Variants in SYT12 observed in about 807,000 individuals in gnomAD.
The protein encoded by SYT12 is synaptotagmin 12, also known as synaptotagmin-12.
Under a neutral mutation model 39.5 loss-of-function variants are expected in SYT12, and 27 were observed. The observed-to-expected ratio is 0.68, with a 90% CI of 0.50 to 0.94. The LOEUF is 0.94. SYT12 is among the 40% of genes least tolerant of loss of function. The pLI is 0.00. For synonymous variants in SYT12, 233 were observed against 239.7 expected, an observed-to-expected ratio of 0.97 and a Z score of 0.26; for missense variants, 536 against 572.6, an observed-to-expected ratio of 0.94 and a Z score of 0.65.
intron 3 of SYT12, among the ~76,000 whole-genome samples, chr11:67,017,398 C>CTG (rs1565327281): frequency 6.7e-6 from 1 of 148,926 alleles, no homozygotes; most frequent in East Asian, 2.0e-4. Context: ...CTTGCTCTGT[C>CTG]GCCCAGGCTG....
At chr11:67,043,524 T>C in intron 4 of SYT12, 114 bp from the exon 5 acceptor site, 1 of 966,930 alleles carries the variant, frequency 1.0e-6, no homozygotes, top group Non-Finnish European at 1.6e-6. Flanking sequence ...ATTGAGGGTG[T>C]CAAGACAACA....
chr11:67,023,856 C>G lies in SYT12; in HGVS notation c.-24+396C>G, dbSNP rs1950145552. ...CGGTCCCCATACACCCTGGAGGTTC[C>G]CGAGGCAGGAGCGCTGGGTCTGCAG... is the stretch of plus-strand genomic sequence containing the variant. On this transcript the variant is annotated intron_variant, in intron 1 of 7. Coordinates refer to ENST00000527043, the MANE Select transcript of SYT12 (RefSeq NM_177963.4). 2.6e-5 allele frequency among the ~76,000 whole-genome samples: 4 copies of G among 152,352 alleles called. No individual in the cohort carries two copies. In the South Asian group the frequency reaches 8.3e-4, roughly 32 times the overall value.
chr11:67,017,245 G>A (rs1248515576), intron 3 of SYT12, among the ~76,000 whole-genome samples: 1 of 152,164 alleles, frequency 6.6e-6, no homozygotes, highest in Non-Finnish European at 1.5e-5. Flanking sequence ...GTTGAGGCCG[G>A]GTATGGTGGC....
At chr11:67,027,970 C>G (rs1418221379) in intron 1 of SYT12, 3 of 152,246 alleles carry the variant, frequency 2.0e-5, no homozygotes, top group Non-Finnish European at 2.9e-5. Context: ...CCACCTTGGG[C>G]AGGTACATGG....
At chr11:67,007,934 CT>C (rs984356052) in intron 1 of SYT12, among the ~76,000 whole-genome samples, 7 of 151,490 alleles carry the variant, frequency 4.6e-5, no homozygotes, top group African/African-American at 1.7e-4. Context: ...CACTTCCTTC[CT>C]GATCCTGAGG....
intron 3 of SYT12, among the ~76,000 whole-genome samples, chr11:67,013,362 TGCTGGTCCTCAGGGC>T (rs993754559): frequency 2.0e-5 from 3 of 152,208 alleles, no homozygotes; most frequent in African/African-American, 4.8e-5. Context: ...TTCCTCAGGG[TGCTGGTCCTCAGGGC>T]GCTGGTGCTC....
intron 2 of SYT12, chr11:67,031,562 A>G (rs1950268019): frequency 1.3e-5 from 2 of 152,254 alleles, no homozygotes; most frequent in South Asian, 2.1e-4. Flanking sequence ...AGTGCTTCAT[A>G]AGGGGAGCTA....
chr11:67,029,525 C>T (rs1053989792), intron 1 of SYT12: 1 of 152,210 alleles, frequency 6.6e-6, no homozygotes, highest in Admixed American at 6.5e-5. Context: ...GTAAATATGT[C>T]CTGTGGAATA....
At chr11:67,028,832 G>A (rs1048716589) in intron 1 of SYT12, 5 of 152,188 alleles carry the variant, frequency 3.3e-5, no homozygotes, top group Non-Finnish European at 7.3e-5. Flanking sequence ...ATCAAGCCAC[G>A]GTGGTTGGCA....
chr11:67,041,089 T>C (rs990209282), intron 4 of SYT12, among the ~76,000 whole-genome samples: 2 of 151,980 alleles, frequency 1.3e-5, no homozygotes, highest in African/African-American at 4.8e-5. Flanking sequence ...GATGGGAGGA[T>C]CACTTGAGCC....
rs137905054 is a variant in SYT12, at chr11:67,036,196, C to A, written c.228+1358C>A. Among the ~76,000 whole-genome samples the A allele has an allele frequency of 3.3e-5, 5 of 152,246 alleles. No individual in the cohort carries two copies. The East Asian group carries it at 7.7e-4, about 24-fold the overall frequency. ...CCTCCCAAAGTGCTAGGATTACAGG[C>A]ATGCACTACCGTGCCAGGTCCTTCT... On this transcript the variant is annotated intron_variant, in intron 3 of 7. Coordinates refer to ENST00000527043, the MANE Select transcript of SYT12 (RefSeq NM_177963.4).
upstream of SYT12, among the ~76,000 whole-genome samples, chr11:67,020,250 G>A (rs187163590): frequency 2.2e-3 from 342 of 152,266 alleles, 1 homozygote; most frequent in African/African-American, 7.9e-3. Context: ...ACCAGCAAGG[G>A]AGAGTCCCTG....
intron 4 of SYT12, among the ~76,000 whole-genome samples, chr11:67,040,452 C>T (rs545967756): frequency 3.3e-4 from 51 of 152,286 alleles, no homozygotes; most frequent in African/African-American, 1.1e-3. Context: ...CAGAATGTGG[C>T]AACTGTCGTT....
Position 67,049,242 on chromosome 11 carries a change from A to G in SYT12, c.*485A>G, listed in dbSNP as rs1854676852. ...GGGAAACAGGAAGGGCCTCTTTGAC[A>G]AGGTAGGAGCTGTGCTTGGAGGGGC... On this transcript the variant is annotated 3_prime_UTR_variant, in exon 8 of 8. Coordinates refer to ENST00000527043, the MANE Select transcript of SYT12 (RefSeq NM_177963.4). 1 of 155,232 alleles carries G rather than the reference A, an allele frequency of 6.4e-6. No homozygotes were observed. The allele number at this position is 155,232 out of a possible 1,614,324, so 9.6% of individuals were successfully genotyped here.
intron 7 of SYT12, among the ~76,000 whole-genome samples, chr11:67,048,034 G>A (rs1343355301): frequency 4.0e-5 from 6 of 148,376 alleles, no homozygotes; most frequent in Non-Finnish European, 6.0e-5. Context: ...CTCATGATCC[G>A]CCCGCCTCGG....
chr11:67,019,014 G>C (rs1297949942), upstream of SYT12, among the ~76,000 whole-genome samples: 4 of 152,216 alleles, frequency 2.6e-5, no homozygotes, highest in East Asian at 7.7e-4. Context: ...TGCTGATAAA[G>C]ACATACCCAA....
intron 2 of SYT12, chr11:67,032,270 TCCCAAGACAGAGCCA>T (rs1385715679): frequency 6.6e-6 from 1 of 152,200 alleles, no homozygotes; most frequent in East Asian, 1.9e-4. Flanking sequence ...TGACATTTCC[TCCCAAGACAGAGCCA>T]CCAGCCCTCA....
At chr11:67,023,521 A>G (rs959001992) in intron 1 of SYT12, 61 bp downstream of exon 1, 5 of 151,690 alleles carry the variant, frequency 3.3e-5, no homozygotes, top group African/African-American at 1.2e-4. Context: ...TCGCGGACGC[A>G]CGCAGCCCCC....
chr11:67,037,854 C>T (rs1950412211), intron 3 of SYT12, among the ~76,000 whole-genome samples: 1 of 150,172 alleles, frequency 6.7e-6, no homozygotes, highest in South Asian at 2.1e-4. Flanking sequence ...TCTACTCCAG[C>T]CTGGGCGACA....
Sources: allele counts gnomAD v4.1 joint callset (sites outside exome capture counted in the v4.1 genomes callset), GRCh38; gene constraint gnomAD v4.1.1; transcripts MANE v1.5; gene names NCBI Gene and HGNC (gene_info 2026-07-23, HGNC 2026-07-21).